RIMKLB: variants seen among roughly 807,000 people sequenced by gnomAD.
RIMKLB encodes ribosomal modification protein rimK like family member B, also known as beta-citrylglutamate synthase B.
In RIMKLB, 7 loss-of-function variants were observed where a neutral mutation model predicts 32.0. The ratio of observed to expected loss-of-function variants is 0.22; its 90% confidence interval spans 0.12 to 0.41. The LOEUF is 0.41. Among genes scored for constraint, RIMKLB ranks in the 10% least tolerant of loss-of-function variants. The pLI is 1.00. For synonymous variants in RIMKLB, 172 were observed against 185.1 expected, an observed-to-expected ratio of 0.93 and a Z score of 0.57; for missense variants, 289 against 498.7, an observed-to-expected ratio of 0.58 and a Z score of 4.00.
At chr12:8,735,752 C>G (rs1015385705) in intron 2 of RIMKLB, among the ~76,000 whole-genome samples, 2 of 150,442 alleles carry the variant, frequency 1.3e-5, no homozygotes, top group Non-Finnish European at 3.0e-5. Context: ...TTTTTTAAGA[C>G]GTAGTTTCGC....
Position 8,775,905 on chromosome 12 carries a change from T to C in RIMKLB, c.*2121T>C. 7 of 985,184 alleles carry C rather than the reference T, an allele frequency of 7.1e-6. No individual in the cohort carries two copies. Among genetic ancestry groups the C allele is most frequent in the Non-Finnish European group, 8.4e-6 (7 of 829,700 alleles). The allele number at this position is 985,184 out of a possible 1,614,324, so 61.0% of individuals were successfully genotyped here. ...GGACTCACATACATATATTAATACCTCTGACTCATTAACAGAAAGAAATAC... is the reference window on the plus strand; with the variant it reads ...GGACTCACATACATATATTAATACCCCTGACTCATTAACAGAAAGAAATAC... On this transcript the variant is annotated 3_prime_UTR_variant, in exon 6 of 6. Transcript: ENST00000535829.
At chr12:8,741,852 T>C (rs1335924280) in intron 2 of RIMKLB, among the ~76,000 whole-genome samples, 1 of 151,844 alleles carries the variant, frequency 6.6e-6, no homozygotes, top group Middle Eastern at 3.2e-3. Context: ...CATGCAAATA[T>C]ACTCATGTAA....
chr12:8,775,465 A>G lies in RIMKLB; in HGVS notation c.*1681A>G, dbSNP rs1950675485. 2.0e-6 allele frequency: 2 copies of G among 985,630 alleles called. No homozygotes were observed. The highest frequency in any genetic ancestry group is 2.4e-6 in the Non-Finnish European group (2 of 829,906). The allele number at this position is 985,630 out of a possible 1,614,324, so 61.1% of individuals were successfully genotyped here. A position where few individuals can be genotyped will look rare whatever the true frequency, so the allele number is the denominator to read the frequency against. ...GCCCAACGTAATTTTTTAAACAGCA[A>G]GTTTTCCATCTCCCTACGAATCCTC... On this transcript the variant is annotated 3_prime_UTR_variant, in exon 6 of 6. Coordinates refer to ENST00000535829, the MANE Select transcript of RIMKLB (RefSeq NM_001297776.2).
At chr12:8,726,953 C>T (rs999469301) in intron 2 of RIMKLB, among the ~76,000 whole-genome samples, 1 of 152,034 alleles carries the variant, frequency 6.6e-6, no homozygotes, top group African/African-American at 2.4e-5. Flanking sequence ...TCCCTCCTTT[C>T]TTGGCATTTC....
upstream of RIMKLB, among the ~76,000 whole-genome samples, chr12:8,677,932 ATATT>A (rs35415396): frequency 0.21 from 30,680 of 148,308 alleles, 4,007 homozygotes; most frequent in Non-Finnish European, 0.3. Context: ...TATTTTTATT[ATATT>A]TATTTATTTA....
At chr12:8,740,989 A>G (rs974993816) in intron 2 of RIMKLB, among the ~76,000 whole-genome samples, 1 of 151,750 alleles carries the variant, frequency 6.6e-6, no homozygotes, top group Non-Finnish European at 1.5e-5. Flanking sequence ...CGGGCAAATC[A>G]TGAGGTCAGG....
chr12:8,757,490 G>A (rs1418114778), intron 5 of RIMKLB, among the ~76,000 whole-genome samples: 24 of 134,176 alleles, frequency 1.8e-4, no homozygotes, highest in African/African-American at 7.9e-4. Flanking sequence ...AAAAAAAAAA[G>A]TTGTTTTGAG....
At chr12:8,752,817 T>C (rs746250194) in intron 4 of RIMKLB, among the ~76,000 whole-genome samples, 1 of 151,812 alleles carries the variant, frequency 6.6e-6, no homozygotes, top group South Asian at 2.1e-4. Flanking sequence ...TTCAGCTCAC[T>C]GCAACCTCTG....
intron 2 of RIMKLB, among the ~76,000 whole-genome samples, chr12:8,726,594 T>A (rs918259220): frequency 3.9e-5 from 6 of 152,104 alleles, no homozygotes; most frequent in African/African-American, 1.4e-4. Context: ...TGCTTTTTTA[T>A]TTTTAATTTT....
downstream of RIMKLB, chr12:8,779,083 T>C (rs1173949354): frequency 6.6e-6 from 1 of 152,196 alleles, no homozygotes; most frequent in Non-Finnish European, 1.5e-5. Context: ...GAATTTGTGA[T>C]GTATACTAAA....
Position 8,773,324 on chromosome 12 carries a change from GTGTGGGGA to G in RIMKLB, c.704_711del (p.Val235AspfsTer6). The G allele has an allele frequency of 6.2e-7, 1 of 1,603,402 alleles. No homozygotes were observed. Among genetic ancestry groups the G allele is most frequent in the Non-Finnish European group, 8.5e-7 (1 of 1,170,584 alleles). On this transcript the variant is annotated frameshift_variant, in exon 6 of 6. Transcript: ENST00000535829. LOFTEE classifies it high-confidence loss of function. ...CCTGTCTTGTTTCTTTTGCCAGGTG[GTGTGGGGA>G]TGATGTGCTCATTGAGTGAACAAGG...
chr12:8,752,198 C>T (rs1948669499), intron 4 of RIMKLB, among the ~76,000 whole-genome samples, 155 bp downstream of exon 4: 1 of 152,140 alleles, frequency 6.6e-6, no homozygotes, highest in East Asian at 1.9e-4. Flanking sequence ...TGGCTAAAAG[C>T]TATTTGTTTA....
At chr12:8,771,968 A>G (rs1950444682) in intron 5 of RIMKLB, among the ~76,000 whole-genome samples, 1 of 152,110 alleles carries the variant, frequency 6.6e-6, no homozygotes, top group African/African-American at 2.4e-5. Context: ...GGCTCACAGC[A>G]ACTTCCACCT....
At chr12:8,681,661 A>G (rs755699837) in exon 1 of RIMKLB, 1 of 152,148 alleles carries the variant, frequency 6.6e-6, no homozygotes, top group Non-Finnish European at 1.5e-5. Flanking sequence ...AAAACTCATG[A>G]ACAGTGGGTC....
chr12:8,756,802 G>A (rs150849843), intron 5 of RIMKLB, among the ~76,000 whole-genome samples: 558 of 145,542 alleles, frequency 3.8e-3, no homozygotes, highest in Middle Eastern at 0.015. Flanking sequence ...AGCAATTCTC[G>A]TGCCTCAGCC....
intron 3 of RIMKLB, 31 bp downstream of exon 3, chr12:8,750,123 A>C: frequency 7.6e-7 from 1 of 1,317,852 alleles, no homozygotes; most frequent in Non-Finnish European, 1.1e-6. Context: ...ACATAGCCTG[A>C]ATATTAACCA....
rs1447560341 is a variant in RIMKLB, at chr12:8,777,008, GAGA to G, written c.*3227_*3229del. On this transcript the variant is annotated 3_prime_UTR_variant, in exon 6 of 6. Coordinates refer to ENST00000535829, the MANE Select transcript of RIMKLB (RefSeq NM_001297776.2). ...ACTTTTCTCCTGGCTCACTTTTTTT[GAGA>G]AGGTTTATGGGCTATTTGGCTGGTG... 1.1e-5 allele frequency: 11 copies of G among 985,582 alleles called. No homozygotes were observed. The African/African-American group carries it at 1.6e-4, about 14-fold the overall frequency. The allele number at this position is 985,582 out of a possible 1,614,324, so 61.1% of individuals were successfully genotyped here.
At position 8,776,129 on chromosome 12, in the gene RIMKLB, G is replaced by A. The variant is rs938816580; in HGVS notation, c.*2345G>A. 8 of 984,928 alleles carry A rather than the reference G, an allele frequency of 8.1e-6. No homozygotes were observed. Among genetic ancestry groups the A allele is most frequent in the Non-Finnish European group, 9.6e-6 (8 of 829,680 alleles). 61.0% of individuals were successfully genotyped at this position (984,928 alleles called of 1,614,324 possible). ...CAAGTATGTAGTTCATGTTTGTGTT[G>A]GTGGGGTAAGGCATCAGGAAAAATG... On this transcript the variant is annotated 3_prime_UTR_variant, in exon 6 of 6. Coordinates refer to ENST00000535829, the MANE Select transcript of RIMKLB (RefSeq NM_001297776.2).
downstream of RIMKLB, chr12:8,777,605 A>G: frequency 1.6e-6 from 2 of 1,288,868 alleles, no homozygotes; most frequent in African/African-American, 1.5e-5. Flanking sequence ...TCAGGAGCCA[A>G]AAAAACAAAT....
Sources: allele counts gnomAD v4.1 joint callset (sites outside exome capture counted in the v4.1 genomes callset), GRCh38; gene constraint gnomAD v4.1.1; transcripts MANE v1.5; gene names NCBI Gene and HGNC (gene_info 2026-07-23, HGNC 2026-07-21).